MAF: variants seen among roughly 807,000 people sequenced by gnomAD.
MAF encodes transcription factor Maf.
MAF carries 10 observed loss-of-function variants against 22.0 expected under a neutral mutation model. That is an observed-to-expected ratio of 0.45 (90% confidence interval 0.28 to 0.77). The LOEUF (loss-of-function observed/expected upper bound fraction) is 0.77, where lower values mean the gene tolerates loss of function less well. Ranked by LOEUF, MAF falls within the 30% of genes least tolerant of loss-of-function variation. The probability of loss-of-function intolerance (pLI) is 0.12; values close to 1 mark genes in which losing one functional copy is unlikely to be tolerated. For missense variants in MAF, 544 were observed against 548.4 expected, an observed-to-expected ratio of 0.99 and a Z score of 0.08; for synonymous variants, 337 against 255.8, an observed-to-expected ratio of 1.32 and a Z score of -3.03.
At chr16:79,568,618 T>C in the MAF span, among the ~76,000 whole-genome samples, 1 of 152,156 alleles carries the variant, frequency 6.6e-6, no homozygotes, top group African/African-American at 2.4e-5. Flanking sequence ...ATCATCCGGT[T>C]TCTGAGTCTT....
chr16:79,347,427 G>T, the MAF span, among the ~76,000 whole-genome samples: 1 of 152,218 alleles, frequency 6.6e-6, no homozygotes, highest in Non-Finnish European at 1.5e-5. Context: ...AGTTGACAAG[G>T]AGCATCGGCT....
the MAF span, among the ~76,000 whole-genome samples, chr16:79,341,273 C>T: frequency 6.6e-6 from 1 of 152,122 alleles, no homozygotes; most frequent in African/African-American, 2.4e-5. Context: ...TCAGTTTCTC[C>T]ATCTATATCA....
the MAF span, among the ~76,000 whole-genome samples, chr16:79,227,053 T>C: frequency 6.6e-6 from 1 of 152,082 alleles, no homozygotes; most frequent in Non-Finnish European, 1.5e-5. Flanking sequence ...GGTCACTTAA[T>C]TGTTTCAAAA....
the MAF span, among the ~76,000 whole-genome samples, chr16:79,497,709 A>T: frequency 2.6e-5 from 4 of 152,160 alleles, no homozygotes; most frequent in African/African-American, 9.7e-5. Context: ...TATAATGAAC[A>T]CTCAAGAAAT....
At chr16:79,226,979 C>G in the MAF span, among the ~76,000 whole-genome samples, 1 of 151,932 alleles carries the variant, frequency 6.6e-6, no homozygotes, top group Non-Finnish European at 1.5e-5. Flanking sequence ...GATGGGGAAC[C>G]TTAGGGCTAC....
At chr16:79,585,779 T>C, downstream of MAF, 1 of 584,212 alleles carries the variant, frequency 1.7e-6, no homozygotes, top group Non-Finnish European at 3.0e-6. Flanking sequence ...GTTAGCAGCA[T>C]TCCTTGTTTG....
chr16:79,318,237 A>G, the MAF span, among the ~76,000 whole-genome samples: 4 of 152,170 alleles, frequency 2.6e-5, no homozygotes, highest in Admixed American at 1.3e-4. Flanking sequence ...ACCTGTTCCC[A>G]GGTTGCATCC....
chr16:79,400,985 C>G, the MAF span, among the ~76,000 whole-genome samples: 1 of 152,188 alleles, frequency 6.6e-6, no homozygotes, highest in Non-Finnish European at 1.5e-5. Context: ...ACACAGGCGT[C>G]CAGCCCTGGG....
At chr16:79,226,474 C>T in the MAF span, among the ~76,000 whole-genome samples, 264 of 151,976 alleles carry the variant, frequency 1.7e-3, 1 homozygote, top group African/African-American at 6.3e-3. Flanking sequence ...ATGTGTATAC[C>T]TATGTAAAAA....
the MAF span, among the ~76,000 whole-genome samples, chr16:79,232,837 C>CTTCT: frequency 1.8e-5 from 2 of 113,826 alleles, no homozygotes; most frequent in South Asian, 5.9e-4. Flanking sequence ...ATAAGCCATT[C>CTTCT]TTTTTTTTTT....
At chr16:79,302,140 G>T in the MAF span, among the ~76,000 whole-genome samples, 81 of 152,344 alleles carry the variant, frequency 5.3e-4, no homozygotes, top group African/African-American at 1.8e-3. Context: ...TGCCAGGCGA[G>T]GGCTGGGATC....
the MAF span, among the ~76,000 whole-genome samples, chr16:79,276,619 T>A: frequency 6.6e-6 from 1 of 152,146 alleles, no homozygotes; most frequent in Non-Finnish European, 1.5e-5. Flanking sequence ...ACATCACCCA[T>A]CAGTGCCAGA....
At chr16:79,375,476 T>C in the MAF span, among the ~76,000 whole-genome samples, 1 of 152,126 alleles carries the variant, frequency 6.6e-6, no homozygotes, top group Non-Finnish European at 1.5e-5. Flanking sequence ...ATGGTGGTGA[T>C]GAAGATGATG....
the MAF span, among the ~76,000 whole-genome samples, chr16:79,261,738 A>T: frequency 6.6e-6 from 1 of 152,158 alleles, no homozygotes; most frequent in African/African-American, 2.4e-5. Context: ...AAAGAATGAG[A>T]AGTTCCTGCA....
the MAF span, among the ~76,000 whole-genome samples, chr16:79,243,971 G>A: frequency 6.6e-6 from 1 of 152,128 alleles, no homozygotes; most frequent in African/African-American, 2.4e-5. Context: ...AAAACCACGT[G>A]TTTATCTCAG....
the MAF span, among the ~76,000 whole-genome samples, chr16:79,210,573 C>T: frequency 1.3e-5 from 2 of 152,176 alleles, no homozygotes; most frequent in African/African-American, 4.8e-5. Context: ...ACCCCTCTCC[C>T]TCTCATCAGC....
the MAF span, among the ~76,000 whole-genome samples, chr16:79,551,636 G>C: frequency 3.9e-5 from 6 of 152,118 alleles, no homozygotes; most frequent in Admixed American, 2.6e-4. Context: ...AATCCCCACT[G>C]TTTGTTCTTG....
At chr16:79,210,745 C>A in the MAF span, among the ~76,000 whole-genome samples, 1 of 152,130 alleles carries the variant, frequency 6.6e-6, no homozygotes, top group East Asian at 1.9e-4. Context: ...TGATTTCTTG[C>A]CCTCTTTATA....
intron 1 of MAF, chr16:79,597,504 T>G: frequency 9.8e-7 from 1 of 1,024,182 alleles, no homozygotes; most frequent in Non-Finnish European, 1.2e-6. Flanking sequence ...ACATTAAGAG[T>G]TCTTCAATGT....
Sources: allele counts gnomAD v4.1 joint callset (sites outside exome capture counted in the v4.1 genomes callset), GRCh38; gene constraint gnomAD v4.1.1; transcripts MANE v1.5; gene names NCBI Gene and HGNC (gene_info 2026-07-23, HGNC 2026-07-21).